Variants in PIEZO2 observed in about 807,000 individuals in gnomAD.
PIEZO2 encodes the protein piezo type mechanosensitive ion channel component 2.
PIEZO2 carries 172 observed loss-of-function variants against 337.3 expected under a neutral mutation model. That is an observed-to-expected ratio of 0.51 (90% CI 0.45 to 0.58). PIEZO2 has a LOEUF of 0.58. PIEZO2 is among the 20% of genes least tolerant of loss of function. The probability of loss-of-function intolerance (pLI) is 0.00; values close to 1 mark genes in which losing one functional copy is unlikely to be tolerated. For missense variants in PIEZO2, 3,028 were observed against 3,391.3 expected (o/e 0.89, Z 2.66); for synonymous variants, 1,251 against 1,228.5 (o/e 1.02, Z -0.38).
chr18:11,031,582 T>C lies in PIEZO2; in HGVS notation c.160+34545A>G, dbSNP rs2036739911. The stretch of plus-strand genomic sequence containing the variant: ...AAATTATGCTTTTAAAACATTTTTA[T>C]AATTACCCAGGGGTAATATTCAATA... On this transcript the variant is annotated intron_variant, in intron 2 of 55. Coordinates refer to ENST00000674853, the MANE Select transcript of PIEZO2 (RefSeq NM_001378183.1). The surrounding 1 kb of genome is among the most constrained non-coding windows in gnomAD (Gnocchi z 4.7). Among the ~76,000 whole-genome samples the C allele has an allele frequency of 6.6e-6, 1 of 152,210 alleles. No individual in the cohort carries two copies. Among genetic ancestry groups the C allele is most frequent in the Non-Finnish European group, 1.5e-5 (1 of 68,046 alleles).
Position 10,775,880 on chromosome 18 carries a change from C to T in PIEZO2, c.2535-1842G>A, listed in dbSNP as rs527759038. On this transcript the variant is annotated intron_variant, in intron 18 of 55. Transcript: ENST00000674853. The surrounding 1 kb of genome is among the most constrained non-coding windows in gnomAD (Gnocchi z 4.3). ...CACAAACTCCAGACCCTCTCTGGAG[C>T]AGTCTAACCTCATGAGCTTGTAATG... 3.3e-5 allele frequency among the ~76,000 whole-genome samples: 5 copies of T among 151,462 alleles called. No homozygotes were observed. The highest frequency in any genetic ancestry group is 1.2e-4 in the African/African-American group (5 of 41,248).
chr18:10,910,725 T>A (rs1443060358), intron 4 of PIEZO2, among the ~76,000 whole-genome samples: 1 of 152,230 alleles, frequency 6.6e-6, no homozygotes, highest in Non-Finnish European at 1.5e-5. Context: ...GAGATGCTTT[T>A]AGCTAAGAAA....
At chr18:10,911,834 G>A (rs1343137673) in intron 3 of PIEZO2, among the ~76,000 whole-genome samples, 2 of 152,016 alleles carry the variant, frequency 1.3e-5, no homozygotes, top group African/African-American at 4.8e-5. Flanking sequence ...AACCCCTCTG[G>A]TAAAGCATTA....
chr18:10,725,182 C>T (rs1453709569), intron 36 of PIEZO2: 2 of 1,536,038 alleles, frequency 1.3e-6, no homozygotes, highest in African/African-American at 1.4e-5. Context: ...GTTCATCCAT[C>T]AGGCAGTTGG....
At chr18:11,060,863 T>C (rs1363594967) in intron 2 of PIEZO2, among the ~76,000 whole-genome samples, 1 of 87,348 alleles carries the variant, frequency 1.1e-5, no homozygotes, top group Non-Finnish European at 2.5e-5. Context: ...TCTGAAACTA[T>C]TCCAATCAAT....
In PIEZO2 at chr18:10,723,060, C is replaced by T. The variant is rs567720641; in HGVS notation, c.5030-4801G>A. ...TTGGCTCACCACAACCTCTGCCTTC[C>T]GGATTCAAGCGATTCTCCTACCTCA... On this transcript the variant is annotated intron_variant, in intron 36 of 55. Transcript: ENST00000674853. Among the ~76,000 whole-genome samples, 14 of 149,312 alleles carry T rather than the reference C, an allele frequency of 9.4e-5. No individual in the cohort carries two copies. The East Asian group carries it at 9.9e-4, about 11-fold the overall frequency.
At chr18:10,712,352 A>G (rs1313794864) in intron 39 of PIEZO2, among the ~76,000 whole-genome samples, 1 of 152,208 alleles carries the variant, frequency 6.6e-6, no homozygotes, top group Non-Finnish European at 1.5e-5. Flanking sequence ...CACGGATTTT[A>G]AGTTTTAGCG....
intron 3 of PIEZO2, among the ~76,000 whole-genome samples, chr18:10,950,712 T>A (rs561129651): frequency 6.6e-6 from 1 of 152,124 alleles, no homozygotes; most frequent in Non-Finnish European, 1.5e-5. Flanking sequence ...CATTTTCCCT[T>A]CCCCTTCCTC....
At chr18:11,024,940 AG>A (rs1363494739) in intron 2 of PIEZO2, among the ~76,000 whole-genome samples, 1 of 149,234 alleles carries the variant, frequency 6.7e-6, no homozygotes, top group Non-Finnish European at 1.5e-5. Flanking sequence ...TGCCCAGCGA[AG>A]GTTTTTTTTT....
chr18:10,671,221 T>C lies in PIEZO2; in HGVS notation c.*306A>G, dbSNP rs372811073. On this transcript the variant is annotated 3_prime_UTR_variant, in exon 56 of 56. Transcript: ENST00000674853. ...CTTTCTTTCTGACTCCTCTTCTGTT[T>C]CTCTTAGGGACGGGGCCCATAAATG... 2.9e-5 allele frequency: 7 copies of C among 240,542 alleles called. 1 individual carries two copies. In the East Asian group the frequency reaches 6.5e-4, roughly 22 times the overall value. The allele number at this position is 240,542 out of a possible 1,614,324, so 14.9% of individuals were successfully genotyped here. A position where few individuals can be genotyped will look rare whatever the true frequency, so the allele number is the denominator to read the frequency against.
chr18:10,736,634 A>G lies in PIEZO2; in HGVS notation c.4785T>C (p.Asp1595=), dbSNP rs1356802942. 4.6e-6 allele frequency: 7 copies of G among 1,537,146 alleles called. No homozygotes were observed. The Admixed American group carries it at 5.9e-5, about 13-fold the overall frequency. Residue 1595 remains aspartate (D), a synonymous_variant, in exon 34 of 56, where the codon GAT becomes GAC. Transcript: ENST00000674853. ...EEEEEELKKE[D]EEPPRRSAFQ... is the part of the protein sequence containing the mutation. Reference sequence around the variant, plus strand: ...ATGCTGACCTTCGTGGAGGTTCTTCATCTTCCTTCTTTAATTCTTCCTCTT... The same window carrying G: ...ATGCTGACCTTCGTGGAGGTTCTTCGTCTTCCTTCTTTAATTCTTCCTCTT...
chr18:10,955,796 T>C (rs921683772), intron 3 of PIEZO2, among the ~76,000 whole-genome samples: 3 of 152,234 alleles, frequency 2.0e-5, no homozygotes, highest in African/African-American at 4.8e-5. Flanking sequence ...ATTAGAATAT[T>C]ATCATGCTTG....
At position 10,824,306 on chromosome 18, in the gene PIEZO2, C is replaced by T. The variant is rs2040605932; in HGVS notation, c.918-17032G>A. Among the ~76,000 whole-genome samples the T allele has an allele frequency of 6.6e-6, 1 of 152,144 alleles. No individual in the cohort carries two copies. The highest frequency in any genetic ancestry group is 2.1e-4 in the South Asian group (1 of 4,830). Reference sequence around the variant, plus strand: ...GGCAACAAGAAGGTGATATAAAGGCCTTCAAGACCTTAATATTTGCAGAGC... The same window carrying T: ...GGCAACAAGAAGGTGATATAAAGGCTTTCAAGACCTTAATATTTGCAGAGC... On this transcript the variant is annotated intron_variant, in intron 7 of 55. Coordinates refer to ENST00000674853, the MANE Select transcript of PIEZO2 (RefSeq NM_001378183.1). This position sits in a 1 kb window ranked among gnomAD's most constrained non-coding sequence, Gnocchi z 4.4.
At chr18:11,084,801 C>T (rs925825614) in intron 1 of PIEZO2, among the ~76,000 whole-genome samples, 19 of 152,334 alleles carry the variant, frequency 1.2e-4, no homozygotes, top group African/African-American at 4.6e-4. Context: ...ACACTGCTCC[C>T]AGGATCAGCT....
chr18:10,808,196 C>T (rs1195628948), intron 7 of PIEZO2, among the ~76,000 whole-genome samples: 2 of 152,186 alleles, frequency 1.3e-5, no homozygotes. Context: ...TCACATGATC[C>T]TCCTGCCTTG....
chr18:11,087,247 T>G (rs2146019349), intron 1 of PIEZO2, among the ~76,000 whole-genome samples: 1 of 152,262 alleles, frequency 6.6e-6, no homozygotes, highest in South Asian at 2.1e-4. Flanking sequence ...GTCTGTTGTT[T>G]ATAAGCTGCT....
intron 1 of PIEZO2, among the ~76,000 whole-genome samples, chr18:11,068,290 T>C (rs2038219230): frequency 6.6e-6 from 1 of 152,064 alleles, no homozygotes; most frequent in Non-Finnish European, 1.5e-5. Flanking sequence ...ACAAAATAAG[T>C]CTCAACAATT....
chr18:10,855,012 T>C lies in PIEZO2; in HGVS notation c.917+341A>G, dbSNP rs917939473. Among the ~76,000 whole-genome samples the C allele has an allele frequency of 2.0e-5, 3 of 152,234 alleles. No individual in the cohort carries two copies. Among genetic ancestry groups the C allele is most frequent in the African/African-American group, 7.2e-5 (3 of 41,466 alleles). The stretch of plus-strand genomic sequence containing the variant: ...TAGGCCCATGAAACGCCTTTCTAGC[T>C]GGATGCTGTGGCACATCCTTATTGT... On this transcript the variant is annotated intron_variant, in intron 7 of 55. Coordinates refer to ENST00000674853, the MANE Select transcript of PIEZO2 (RefSeq NM_001378183.1). The surrounding 1 kb of genome is among the most constrained non-coding windows in gnomAD (Gnocchi z 4.9).
intron 4 of PIEZO2, among the ~76,000 whole-genome samples, chr18:10,906,710 G>C (rs2029963229): frequency 6.6e-6 from 1 of 152,062 alleles, no homozygotes. Flanking sequence ...ACAGGCACAT[G>C]CCGCCACGCC....
Sources: gnomAD v4.1 joint callset for allele counts (sites outside exome capture counted in the v4.1 genomes callset) on GRCh38, gnomAD v4.1.1 for gene constraint, Gnocchi (gnomAD v3.1) non-coding constraint, MANE v1.5 for transcripts, NCBI Gene and HGNC (gene_info 2026-07-23, HGNC 2026-07-21) for gene names.